The following CALN1 variants were observed in gnomAD, a reference collection of about 807,000 sequenced individuals.
The protein encoded by CALN1 is calneuron 1, also known as calcium-binding protein 8.
A neutral mutation model predicts 30.6 loss-of-function variants in CALN1; 17 were observed. The ratio of observed to expected loss-of-function variants is 0.56; its 90% confidence interval spans 0.38 to 0.83. CALN1 has a LOEUF of 0.83. Among genes scored for constraint, CALN1 ranks in the 40% least tolerant of loss-of-function variants. The pLI, the probability that CALN1 is intolerant of heterozygous loss-of-function variation, is 0.00. For synonymous variants in CALN1, 156 were observed against 131.4 expected, an observed-to-expected ratio of 1.19 and a Z score of -1.28; for missense variants, 291 against 354.9, an observed-to-expected ratio of 0.82 and a Z score of 1.45.
chr7:72,397,512 G>C (rs1806039891), intron 2 of CALN1, among the ~76,000 whole-genome samples: 1 of 152,250 alleles, frequency 6.6e-6, no homozygotes, highest in Non-Finnish European at 1.5e-5. Flanking sequence ...AAGCTGCTAG[G>C]GAATTCCAGG....
intron 3 of CALN1, among the ~76,000 whole-genome samples, chr7:72,213,295 T>C (rs541650081): frequency 1.3e-5 from 2 of 152,356 alleles, no homozygotes; most frequent in East Asian, 3.9e-4. Flanking sequence ...TGGCAGTTCT[T>C]GGACATCAAG....
intron 5 of CALN1, among the ~76,000 whole-genome samples, chr7:71,823,677 C>T (rs984555179): frequency 6.6e-6 from 1 of 151,650 alleles, no homozygotes; most frequent in Non-Finnish European, 1.5e-5. Context: ...GAGATTGCAC[C>T]ACTGCACTCC....
chr7:71,957,463 T>C (rs1225480361), intron 5 of CALN1, among the ~76,000 whole-genome samples: 1 of 152,042 alleles, frequency 6.6e-6, no homozygotes, highest in African/African-American at 2.4e-5. Flanking sequence ...CTGCAAAAAA[T>C]CAAACCCCAA....
chr7:71,998,546 C>G (rs537372675), intron 5 of CALN1, among the ~76,000 whole-genome samples: 1 of 151,556 alleles, frequency 6.6e-6, no homozygotes, highest in Non-Finnish European at 1.5e-5. Context: ...ACAGAGCAAC[C>G]ACTACAAAAA....
intron 2 of CALN1, among the ~76,000 whole-genome samples, chr7:72,288,039 T>C (rs943282857): frequency 6.6e-5 from 10 of 151,806 alleles, no homozygotes; most frequent in Non-Finnish European, 1.5e-4. Context: ...AAATAAATAT[T>C]TATTATCTCA....
At chr7:72,418,840 G>A (rs955206609) in intron 1 of CALN1, among the ~76,000 whole-genome samples, 6 of 151,976 alleles carry the variant, frequency 3.9e-5, no homozygotes, top group African/African-American at 7.3e-5. Flanking sequence ...GCGAGACCCC[G>A]TCTCTACCAA....
intron 3 of CALN1, among the ~76,000 whole-genome samples, chr7:72,191,429 C>A (rs1318851567): frequency 6.6e-6 from 1 of 151,762 alleles, no homozygotes; most frequent in African/African-American, 2.4e-5. Context: ...CAGTGAAACC[C>A]CGTCTGTAGT....
chr7:72,393,510 T>C (rs918252571), intron 2 of CALN1, among the ~76,000 whole-genome samples: 2 of 152,072 alleles, frequency 1.3e-5, no homozygotes, highest in African/African-American at 4.8e-5. Context: ...CCATAACATA[T>C]GAAGTATGTT....
In CALN1 at chr7:72,195,262, C is replaced by A. The variant is rs578218163; in HGVS notation, c.244+83424G>T. Among the ~76,000 whole-genome samples the A allele has an allele frequency of 3.3e-5, 5 of 152,346 alleles. No individual in the cohort carries two copies. In the East Asian group the frequency reaches 5.8e-4, roughly 18 times the overall value. ...TTGATGTCCCTGCCAGATAGAATAA[C>A]CACTGTCTTCTCCTACCAGTGGACA... is the stretch of plus-strand genomic sequence containing the variant. On this transcript the variant is annotated intron_variant, in intron 3 of 6. Transcript: ENST00000395275.
chr7:71,865,779 C>T (rs1791548791), intron 5 of CALN1, among the ~76,000 whole-genome samples: 2 of 152,000 alleles, frequency 1.3e-5, no homozygotes, highest in South Asian at 4.1e-4. Context: ...TTTAACTATA[C>T]ATTTGGATTT....
intron 2 of CALN1, among the ~76,000 whole-genome samples, chr7:72,291,860 C>T (rs534511724): frequency 3.9e-5 from 6 of 152,144 alleles, no homozygotes; most frequent in Non-Finnish European, 7.3e-5. Flanking sequence ...GATGCACCTG[C>T]CTTGGCCTCC....
At chr7:71,913,368 C>G (rs192360877) in intron 5 of CALN1, among the ~76,000 whole-genome samples, 1 of 152,020 alleles carries the variant, frequency 6.6e-6, no homozygotes, top group Non-Finnish European at 1.5e-5. Context: ...CCTTTAGTGG[C>G]AAATTCTTCA....
intron 3 of CALN1, among the ~76,000 whole-genome samples, chr7:72,225,479 A>G: frequency 6.6e-6 from 1 of 152,046 alleles, no homozygotes; most frequent in South Asian, 2.1e-4. Context: ...CAAGCTTCAA[A>G]AGGAGTGGCC....
At chr7:72,349,770 C>T (rs1389975298) in intron 2 of CALN1, among the ~76,000 whole-genome samples, 1 of 152,064 alleles carries the variant, frequency 6.6e-6, no homozygotes, top group Non-Finnish European at 1.5e-5. Flanking sequence ...GTCCTTTGCC[C>T]ACTTTGTTAT....
At chr7:72,357,319 G>C (rs975754425) in intron 2 of CALN1, among the ~76,000 whole-genome samples, 4 of 152,014 alleles carry the variant, frequency 2.6e-5, no homozygotes, top group African/African-American at 9.7e-5. Context: ...GACTCGGAAT[G>C]AGAAAGGTTC....
intron 4 of CALN1, among the ~76,000 whole-genome samples, chr7:72,090,963 G>A (rs1013990004): frequency 2.0e-5 from 3 of 152,114 alleles, no homozygotes; most frequent in African/African-American, 7.2e-5. Flanking sequence ...TGGCTAATGG[G>A]TATAAAAATA....
chr7:72,371,508 C>A (rs558605389), intron 2 of CALN1, among the ~76,000 whole-genome samples: 1 of 152,248 alleles, frequency 6.6e-6, no homozygotes, highest in Non-Finnish European at 1.5e-5. Flanking sequence ...CTCCTTCCTG[C>A]CATCATGTGA....
intron 4 of CALN1, among the ~76,000 whole-genome samples, chr7:72,058,486 T>TAA (rs1803427883): frequency 3.3e-5 from 5 of 151,848 alleles, no homozygotes; most frequent in Non-Finnish European, 7.4e-5. Flanking sequence ...CTCAGCTATT[T>TAA]TTTTGTATTT....
chr7:72,209,464 CCTCCCTTCCCTT>C (rs1792223240), intron 3 of CALN1, among the ~76,000 whole-genome samples: 1 of 146,014 alleles, frequency 6.8e-6, no homozygotes, highest in Non-Finnish European at 1.5e-5. Flanking sequence ...ATCCTTTCTT[CCTCCCTTCCCTT>C]CTCCCTTCCT....
Sources: allele counts gnomAD v4.1 joint callset (sites outside exome capture counted in the v4.1 genomes callset), GRCh38; gene constraint gnomAD v4.1.1; transcripts MANE v1.5; gene names NCBI Gene and HGNC (gene_info 2026-07-23, HGNC 2026-07-21).